The following SLC7A2 variants were observed in gnomAD, a reference collection of about 807,000 sequenced individuals.
The protein encoded by SLC7A2 is cationic amino acid transporter 2.
SLC7A2 carries 48 observed loss-of-function variants against 58.9 expected under a neutral mutation model. The observed-to-expected ratio is 0.82, with a 90% CI of 0.65 to 1.04. SLC7A2 has a LOEUF of 1.04. Ranked by LOEUF, SLC7A2 falls within the 50% of genes least tolerant of loss-of-function variation. The pLI is 0.00. For missense variants in SLC7A2, 1,029 were observed against 818.8 expected, an observed-to-expected ratio of 1.26 and a Z score of -3.13; for synonymous variants, 363 against 314.5, an observed-to-expected ratio of 1.15 and a Z score of -1.63.
At chr8:17,538,756 A>G in intron 2 of SLC7A2, 1 of 1,598,404 alleles carries the variant, frequency 6.3e-7, no homozygotes, top group Non-Finnish European at 8.5e-7. Flanking sequence ...TATACGATTT[A>G]ATTACTTTTT....
chr8:17,529,103 C>A lies in SLC7A2; in HGVS notation c.-22-14215C>A, dbSNP rs529468804. On this transcript the variant is annotated intron_variant, in intron 2 of 12. Transcript: ENST00000494857. ...TAAAAAAGCATTATAAAGGCTTTAA[C>A]ATTAAATGTTACTGGGGGATTGTTA... 1.1e-4 allele frequency among the ~76,000 whole-genome samples: 16 copies of A among 152,294 alleles called. 1 individual carries two copies. The highest frequency in any genetic ancestry group is 3.6e-4 in the African/African-American group (15 of 41,556).
intron 2 of SLC7A2, among the ~76,000 whole-genome samples, chr8:17,524,330 A>G (rs1288255580): frequency 6.6e-6 from 1 of 152,100 alleles, no homozygotes; most frequent in Non-Finnish European, 1.5e-5. Flanking sequence ...CACAATTTGC[A>G]ATTGCAAAAA....
At chr8:17,535,912 A>AT (rs1162780470) in intron 2 of SLC7A2, among the ~76,000 whole-genome samples, 3 of 151,920 alleles carry the variant, frequency 2.0e-5, no homozygotes, top group Middle Eastern at 3.4e-3. Context: ...CAAAACAAAA[A>AT]TTTTTTTTAC....
At chr8:17,545,992 ACATGAACAAAGTG>A in intron 4 of SLC7A2, among the ~76,000 whole-genome samples, 1 of 152,354 alleles carries the variant, frequency 6.6e-6, no homozygotes, top group Admixed American at 6.5e-5. Flanking sequence ...AGGGATAAGA[ACATGAACAAAGTG>A]CGTAGATCTA....
At chr8:17,538,614 TA>T in intron 2 of SLC7A2, among the ~76,000 whole-genome samples, 1 of 152,374 alleles carries the variant, frequency 6.6e-6, no homozygotes, top group South Asian at 2.1e-4. Flanking sequence ...TCCTCTTTAC[TA>T]AATTATTTAA....
At chr8:17,541,232 A>G (rs1372119944) in intron 2 of SLC7A2, among the ~76,000 whole-genome samples, 1 of 152,166 alleles carries the variant, frequency 6.6e-6, no homozygotes, top group Admixed American at 6.5e-5. Flanking sequence ...TGGTTTTTAT[A>G]TAACTTTTTG....
chr8:17,530,573 AT>A (rs11389186), intron 2 of SLC7A2, among the ~76,000 whole-genome samples: 105,310 of 140,482 alleles, frequency 0.75, 41,098 homozygotes, highest in Non-Finnish European at 0.89. Flanking sequence ...GAGTAAATAG[AT>A]TTTTTTTTTT....
chr8:17,539,657 T>C (rs1364237296), intron 2 of SLC7A2, among the ~76,000 whole-genome samples: 1 of 152,166 alleles, frequency 6.6e-6, no homozygotes, highest in Non-Finnish European at 1.5e-5. Flanking sequence ...CTTCCCAAAA[T>C]CTGCATCATT....
Position 17,535,949 on chromosome 8 carries a change from A to G in SLC7A2, c.-22-7369A>G, listed in dbSNP as rs74888257. ...TTTTTTAACAAAAGATAGCCCACTA[A>G]CATTGAAGTCTTAAGTGTTGTAGAG... On this transcript the variant is annotated intron_variant, in intron 2 of 12. Coordinates refer to ENST00000494857, the MANE Select transcript of SLC7A2 (RefSeq NM_001370338.1). 1.1e-3 allele frequency among the ~76,000 whole-genome samples: 161 copies of G among 152,226 alleles called. No homozygotes were observed. The East Asian group carries it at 0.027, about 26-fold the overall frequency.
At chr8:17,548,162 G>A (rs1007173156) in intron 4 of SLC7A2, among the ~76,000 whole-genome samples, 4 of 152,094 alleles carry the variant, frequency 2.6e-5, no homozygotes, top group South Asian at 2.1e-4. Context: ...CCAGCATGGC[G>A]AAACCCCAAC....
chr8:17,494,958 C>G (rs1420798283), upstream of SLC7A2, among the ~76,000 whole-genome samples: 1 of 152,148 alleles, frequency 6.6e-6, no homozygotes, highest in African/African-American at 2.4e-5. Context: ...TGGATAAATT[C>G]AAAGATCGGT....
chr8:17,531,138 T>C (rs768343489), intron 2 of SLC7A2, among the ~76,000 whole-genome samples: 6 of 152,170 alleles, frequency 3.9e-5, no homozygotes, highest in African/African-American at 9.7e-5. Flanking sequence ...TAAGATAGGA[T>C]ATCTCTCTCT....
chr8:17,559,479 T>C (rs2150774552), intron 9 of SLC7A2, among the ~76,000 whole-genome samples: 1 of 152,096 alleles, frequency 6.6e-6, no homozygotes, highest in East Asian at 1.9e-4. Context: ...GGCAGGAGAA[T>C]CACTTGAACC....
intron 9 of SLC7A2, 122 bp from the exon 10 acceptor site, chr8:17,560,183 ATGCTCTGGGACTGGAGTCATAAG>A (rs1276827679): frequency 1.1e-5 from 7 of 637,810 alleles, no homozygotes; most frequent in Non-Finnish European, 1.7e-5. Flanking sequence ...CTGGCTCAGC[ATGCTCTGGGACTGGAGTCATAAG>A]TGTTGATTTA....
In SLC7A2 at chr8:17,570,415, T is replaced by A. The variant is rs1803453293; in HGVS notation, c.*5269T>A. ...GGTTTTTTTAGTAGTAATTTTAAAT[T>A]TAAATGTTTTAAGTGATCATCAGTG... is the stretch of plus-strand genomic sequence containing the variant. On this transcript the variant is annotated 3_prime_UTR_variant, in exon 13 of 13. Transcript: ENST00000494857. 6.6e-6 allele frequency: 1 copy of A among 152,622 alleles called. No homozygotes were observed. Among genetic ancestry groups the A allele is most frequent in the Non-Finnish European group, 1.5e-5 (1 of 68,034 alleles). The allele number at this position is 152,622 out of a possible 1,614,324, so 9.5% of individuals were successfully genotyped here. A position where few individuals can be genotyped will look rare whatever the true frequency, so the allele number is the denominator to read the frequency against.
intron 2 of SLC7A2, among the ~76,000 whole-genome samples, chr8:17,503,955 C>T (rs899621532): frequency 1.3e-5 from 2 of 152,170 alleles, no homozygotes; most frequent in Admixed American, 6.5e-5. Flanking sequence ...CTTAAGTCCT[C>T]AGCAACACTC....
upstream of SLC7A2, among the ~76,000 whole-genome samples, chr8:17,495,607 T>G (rs1458378945): frequency 6.6e-6 from 1 of 152,222 alleles, no homozygotes; most frequent in Non-Finnish European, 1.5e-5. Flanking sequence ...TGGACTGTAG[T>G]GGCACTATCT....
intron 7 of SLC7A2, among the ~76,000 whole-genome samples, chr8:17,552,589 TG>T (rs1802505523): frequency 1.8e-5 from 1 of 56,780 alleles, no homozygotes; most frequent in Non-Finnish European, 3.7e-5. Context: ...CATATAAATA[TG>T]TGAAGGGAAG....
At chr8:17,554,494 T>C in intron 7 of SLC7A2, 66 bp from the exon 8 acceptor site, 1 of 1,318,632 alleles carries the variant, frequency 7.6e-7, no homozygotes, top group Non-Finnish European at 1.0e-6. Flanking sequence ...AATTATTTTA[T>C]TTCCGTTCGG....
Sources: allele counts gnomAD v4.1 joint callset (sites outside exome capture counted in the v4.1 genomes callset), GRCh38; gene constraint gnomAD v4.1.1; transcripts MANE v1.5; gene names NCBI Gene and HGNC (gene_info 2026-07-23, HGNC 2026-07-21).